EFCAB8: variants seen among roughly 807,000 people sequenced by gnomAD.
EFCAB8 encodes EF-hand calcium-binding domain-containing protein 8.
In EFCAB8, 100 loss-of-function variants were observed where a neutral mutation model predicts 116.3. The observed-to-expected ratio is 0.86, with a 90% CI of 0.73 to 1.02. The LOEUF is 1.02. Ranked by LOEUF, EFCAB8 falls within the 50% of genes least tolerant of loss-of-function variation. EFCAB8 has a pLI of 0.00. For missense variants in EFCAB8, 1,320 were observed against 1,416.9 expected (o/e 0.93, Z 1.10); for synonymous variants, 558 against 567.9 (o/e 0.98, Z 0.25).
rs376960901 is a variant in EFCAB8 at position 32,921,984 on chromosome 20, C to A, written c.2412+1769C>A. ...AGCTGGGACCATAAGCATGTGCCAC[C>A]ATGCCCAGCTGCTTTTTTATTTCTA... is the stretch of plus-strand genomic sequence containing the variant. On this transcript the variant is annotated intron_variant, in intron 20 of 26. Coordinates refer to ENST00000400522, the MANE Select transcript of EFCAB8 (RefSeq NM_001143967.2). Among the ~76,000 whole-genome samples, 9 of 152,190 alleles carry A rather than the reference C, an allele frequency of 5.9e-5. No homozygotes were observed. In the East Asian group the frequency reaches 1.2e-3, roughly 20 times the overall value.
At chr20:32,891,382 A>G (rs893314816) in intron 7 of EFCAB8, among the ~76,000 whole-genome samples, 1 of 151,954 alleles carries the variant, frequency 6.6e-6, no homozygotes, top group South Asian at 2.1e-4. Flanking sequence ...CACACCCAGC[A>G]AATTTTTGTA....
intron 22 of EFCAB8, among the ~76,000 whole-genome samples, chr20:32,934,909 A>G (rs887499246): frequency 6.6e-6 from 1 of 152,186 alleles, no homozygotes; most frequent in African/African-American, 2.4e-5. Flanking sequence ...GAACAGACCA[A>G]TACAGTGGTT....
Position 32,918,400 on chromosome 20 carries a change from G to T in EFCAB8, c.2100G>T (p.Arg700Ser), listed in dbSNP as rs374033189. The T allele has an allele frequency of 3.2e-6, 5 of 1,551,618 alleles. No individual in the cohort carries two copies. In the African/African-American group the frequency reaches 6.8e-5, roughly 21 times the overall value. ...ACAACTGCCTGGCTGAGAGCCACAG[G>T]CCCAGCAGACCCTATGTGGAGCGGG... ...DVNNCLAESH[R>S]PSRPYVEREK... Residue 700 changes from arginine (R) to serine (S), a missense_variant, in exon 19 of 27, where the codon AGG becomes AGT. Arg to Ser is a moderately radical substitution (Grantham distance 110). Coordinates refer to ENST00000400522, the MANE Select transcript of EFCAB8 (RefSeq NM_001143967.2).
intron 20 of EFCAB8, among the ~76,000 whole-genome samples, chr20:32,930,095 C>T (rs1987836237): frequency 6.6e-6 from 1 of 152,220 alleles, no homozygotes; most frequent in Admixed American, 6.5e-5. Context: ...TCGAATCAAA[C>T]TTGTAAGCCT....
chr20:32,906,420 C>T, intron 11 of EFCAB8, 142 bp from the exon 12 acceptor site: 2 of 636,610 alleles, frequency 3.1e-6, no homozygotes, highest in Non-Finnish European at 5.7e-6. Context: ...CTACTCCTCT[C>T]CTAGGATGGA....
intron 2 of EFCAB8, among the ~76,000 whole-genome samples, chr20:32,867,183 G>A: frequency 6.6e-6 from 1 of 152,226 alleles, no homozygotes; most frequent in East Asian, 1.9e-4. Context: ...GCCTCCCGAA[G>A]TGCTGGGATT....
At position 32,920,173 on chromosome 20, in the gene EFCAB8, G is replaced by T. The variant is rs1987381899; in HGVS notation, c.2370G>T (p.Trp790Cys). ...AGGATGAAACGAGAAAAGGAGAATG[G>T]CAGAAGAATATGTTGGTTCAATCCA... ...YKEDETRKGE[W>C]QKNMLVQSSA... The change falls in exon 20 of 27, where the codon TGG becomes TGT. Residue 790 changes from tryptophan to cysteine, a missense_variant. Coordinates refer to ENST00000400522, the MANE Select transcript of EFCAB8 (RefSeq NM_001143967.2). The T allele has an allele frequency of 6.4e-7, 1 of 1,551,714 alleles. No individual in the cohort carries two copies. Among genetic ancestry groups the T allele is most frequent in the Non-Finnish European group, 8.7e-7 (1 of 1,147,002 alleles).
intron 23 of EFCAB8, among the ~76,000 whole-genome samples, chr20:32,955,086 A>C (rs1471093004): frequency 6.6e-5 from 10 of 152,192 alleles, no homozygotes; most frequent in Middle Eastern, 3.2e-3. Flanking sequence ...TTACCTAAAA[A>C]AATGCAGCAT....
At chr20:32,896,396 G>C in intron 9 of EFCAB8, 58 bp from the exon 10 acceptor site, 2 of 708,370 alleles carry the variant, frequency 2.8e-6, no homozygotes, top group South Asian at 3.0e-5. Context: ...CTGAGGCTTT[G>C]CTTGCCAAGC....
chr20:32,918,528 T>A lies in EFCAB8; in HGVS notation c.2228T>A (p.Met743Lys). 6.4e-7 allele frequency: 1 copy of A among 1,551,698 alleles called. No individual in the cohort carries two copies. Among genetic ancestry groups the A allele is most frequent in the Non-Finnish European group, 8.7e-7 (1 of 1,147,000 alleles). The part of the protein sequence containing the change: ...RRSLVSAPPV[M>K]RCPRDKEPDR... Reference sequence around the variant, plus strand: ...AGCCTGGTGTCGGCTCCCCCAGTGATGCGGTGCCCGAGAGACAAGGAGCCA... The same window carrying A: ...AGCCTGGTGTCGGCTCCCCCAGTGAAGCGGTGCCCGAGAGACAAGGAGCCA... Residue 743 changes from methionine (M) to lysine (K), a missense_variant, in exon 19 of 27, where the codon ATG becomes AAG. Coordinates refer to ENST00000400522, the MANE Select transcript of EFCAB8 (RefSeq NM_001143967.2).
intron 22 of EFCAB8, among the ~76,000 whole-genome samples, chr20:32,940,019 CCCTCCCTTCCTTCCTTCCTTCCTT>C (rs1362876004): frequency 1.3e-5 from 1 of 77,312 alleles, no homozygotes; most frequent in Non-Finnish European, 2.5e-5. Context: ...CTCCCTCCCT[CCCTCCCTTCCTTCCTTCCTTCCTT>C]CCTTCCTTCC....
intron 16 of EFCAB8, among the ~76,000 whole-genome samples, chr20:32,912,122 C>T (rs993864434): frequency 1.3e-5 from 2 of 152,150 alleles, no homozygotes; most frequent in South Asian, 4.1e-4. Context: ...TTCTGTGACA[C>T]AGTCCTTTAA....
At chr20:32,877,955 G>A (rs1276765395) in intron 4 of EFCAB8, among the ~76,000 whole-genome samples, 1 of 152,152 alleles carries the variant, frequency 6.6e-6, no homozygotes, top group Non-Finnish European at 1.5e-5. Flanking sequence ...TGAATGCTGC[G>A]AGTAGGCCCT....
At chr20:32,887,073 C>G (rs1985669779) in intron 6 of EFCAB8, among the ~76,000 whole-genome samples, 1 of 152,126 alleles carries the variant, frequency 6.6e-6, no homozygotes, top group South Asian at 2.1e-4. Context: ...CCAGAACCAC[C>G]TGGGGAGCCC....
chr20:32,905,774 G>T (rs1057266549), intron 11 of EFCAB8, among the ~76,000 whole-genome samples: 2 of 57,428 alleles, frequency 3.5e-5, no homozygotes, highest in East Asian at 2.7e-4. Context: ...AAAAAAAAAA[G>T]GACATTCCTT....
chr20:32,933,633 C>A lies in EFCAB8; in HGVS notation c.2790+2297C>A, dbSNP rs560652402. Among the ~76,000 whole-genome samples, 23 of 152,314 alleles carry A rather than the reference C, an allele frequency of 1.5e-4. 1 individual carries two copies. Among genetic ancestry groups the A allele is most frequent in the Admixed American group, 1.3e-3 (20 of 15,302 alleles). ...CCATTCTCTCTCCCTTATTCCCCAC[C>A]CCACCCTCTAAGCCTCTGGTAACCA... is the stretch of plus-strand genomic sequence containing the variant. On this transcript the variant is annotated intron_variant, in intron 22 of 26. Coordinates refer to ENST00000400522, the MANE Select transcript of EFCAB8 (RefSeq NM_001143967.2).
At chr20:32,915,255 C>T (rs1402049167) in intron 17 of EFCAB8, among the ~76,000 whole-genome samples, 2 of 152,100 alleles carry the variant, frequency 1.3e-5, no homozygotes, top group Non-Finnish European at 2.9e-5. Flanking sequence ...TCTCTTGTTG[C>T]ATTTTATTAT....
intron 3 of EFCAB8, among the ~76,000 whole-genome samples, chr20:32,873,944 A>G (rs1984815345): frequency 6.6e-6 from 1 of 151,698 alleles, no homozygotes; most frequent in African/African-American, 2.4e-5. Context: ...TTATTGAGAC[A>G]GGGTCTTACT....
chr20:32,872,813 C>T (rs1469780259), intron 3 of EFCAB8, among the ~76,000 whole-genome samples: 3 of 142,694 alleles, frequency 2.1e-5, no homozygotes, highest in South Asian at 2.2e-4. Flanking sequence ...AACAAAAGGC[C>T]GGGTGCAGTG....
Sources: gnomAD v4.1 joint callset for allele counts (sites outside exome capture counted in the v4.1 genomes callset) on GRCh38, gnomAD v4.1.1 for gene constraint, MANE v1.5 for transcripts, NCBI Gene and HGNC (gene_info 2026-07-23, HGNC 2026-07-21) for gene names.